The following BACH2 variants were observed in gnomAD, a reference collection of about 807,000 sequenced individuals.
BACH2 encodes the protein transcription regulator protein BACH2.
Under a neutral mutation model 61.8 loss-of-function variants are expected in BACH2, and 5 were observed. The ratio of observed to expected loss-of-function variants is 0.08; its 90% CI spans 0.04 to 0.17. The LOEUF (loss-of-function observed/expected upper bound fraction) is 0.17, where lower values mean the gene tolerates loss of function less well. Among genes scored for constraint, BACH2 ranks in the 10% least tolerant of loss-of-function variants. The probability of loss-of-function intolerance (pLI) is 1.00; values close to 1 mark genes in which losing one functional copy is unlikely to be tolerated. For missense variants in BACH2, 824 were observed against 1,091.1 expected, an observed-to-expected ratio of 0.76 and a Z score of 3.45; for synonymous variants, 446 against 440.1, an observed-to-expected ratio of 1.01 and a Z score of -0.17.
intron 1 of BACH2, among the ~76,000 whole-genome samples, chr6:90,281,971 G>A (rs1771870456): frequency 6.6e-6 from 1 of 151,976 alleles, no homozygotes; most frequent in African/African-American, 2.4e-5. Flanking sequence ...TGACCACCAA[G>A]AAATGCTGCC....
chr6:89,959,028 T>C (rs530791963), intron 6 of BACH2, among the ~76,000 whole-genome samples: 4 of 152,080 alleles, frequency 2.6e-5, no homozygotes, highest in South Asian at 4.2e-4. Flanking sequence ...CATGGGGCCC[T>C]GTGCAATTAG....
chr6:89,936,597 C>A (rs965823697), intron 8 of BACH2, among the ~76,000 whole-genome samples: 1 of 152,158 alleles, frequency 6.6e-6, no homozygotes, highest in Non-Finnish European at 1.5e-5. Context: ...TAGCTACAGA[C>A]TGGAACACAA....
At position 89,926,929 on chromosome 6, in the gene BACH2, A is replaced by C. The variant is rs973414751; in HGVS notation, c.*5479T>G. 5 of 152,814 alleles carry C rather than the reference A, an allele frequency of 3.3e-5. No homozygotes were observed. The highest frequency in any genetic ancestry group is 1.2e-4 in the African/African-American group (5 of 41,472). 9.5% of individuals were successfully genotyped at this position (152,814 alleles called of 1,614,324 possible). The stretch of plus-strand genomic sequence containing the variant: ...AACCTGTTACAGTCGTTGACCAGTT[A>C]TGAGAGGTACAGAGGGTTATACAGG... On this transcript the variant is annotated 3_prime_UTR_variant, in exon 9 of 9. Coordinates refer to ENST00000257749, the MANE Select transcript of BACH2 (RefSeq NM_021813.4).
At chr6:89,960,415 A>G (rs1324979646) in intron 6 of BACH2, among the ~76,000 whole-genome samples, 1 of 152,242 alleles carries the variant, frequency 6.6e-6, no homozygotes, top group Admixed American at 6.5e-5. Context: ...GTTTCTCTGA[A>G]GTGAACTAGG....
chr6:90,199,441 T>C (rs565278451), intron 4 of BACH2, among the ~76,000 whole-genome samples: 1 of 152,336 alleles, frequency 6.6e-6, no homozygotes, highest in South Asian at 2.1e-4. Context: ...CATGCACGCA[T>C]TTTAAAGACA....
chr6:90,123,853 C>T (rs933027174), intron 4 of BACH2, among the ~76,000 whole-genome samples: 3 of 146,712 alleles, frequency 2.0e-5, no homozygotes, highest in African/African-American at 7.7e-5. Flanking sequence ...TATGTGAGAA[C>T]ACCAAAATCG....
chr6:90,110,330 T>C (rs143502684), intron 4 of BACH2, among the ~76,000 whole-genome samples: 1 of 152,354 alleles, frequency 6.6e-6, no homozygotes, highest in East Asian at 1.9e-4. Context: ...TTTTTTTACT[T>C]TGTTAATATT....
intron 6 of BACH2, among the ~76,000 whole-genome samples, chr6:89,974,714 G>C (rs968343084): frequency 2.0e-5 from 3 of 152,154 alleles, no homozygotes; most frequent in African/African-American, 7.2e-5. Context: ...TATCTTTTTC[G>C]TGGGACAAGG....
intron 5 of BACH2, among the ~76,000 whole-genome samples, chr6:90,044,409 G>A (rs1779685466): frequency 6.6e-6 from 1 of 152,226 alleles, no homozygotes; most frequent in Non-Finnish European, 1.5e-5. Flanking sequence ...GTGCATGGAG[G>A]ATAGTGGCCA....
chr6:90,202,832 G>A (rs1373479906), intron 4 of BACH2, among the ~76,000 whole-genome samples: 2 of 152,158 alleles, frequency 1.3e-5, no homozygotes, highest in Non-Finnish European at 2.9e-5. Context: ...TTTCTTGCTA[G>A]TGTGTTTTCT....
chr6:90,050,588 T>C (rs1182392227), intron 5 of BACH2, among the ~76,000 whole-genome samples: 4 of 152,166 alleles, frequency 2.6e-5, no homozygotes, highest in African/African-American at 9.7e-5. Flanking sequence ...AATGCAATTC[T>C]TTTCACTTTT....
At chr6:89,972,077 G>C (rs944354779) in intron 6 of BACH2, among the ~76,000 whole-genome samples, 16 of 152,206 alleles carry the variant, frequency 1.1e-4, no homozygotes, top group Non-Finnish European at 2.9e-5. Flanking sequence ...AGACCTAAGA[G>C]AGAACATAGC....
intron 4 of BACH2, among the ~76,000 whole-genome samples, chr6:90,102,670 A>G (rs1234137016): frequency 6.6e-6 from 1 of 151,802 alleles, no homozygotes; most frequent in Non-Finnish European, 1.5e-5. Flanking sequence ...GGTGCCTGTA[A>G]TCCCAGCTAC....
At position 90,265,702 on chromosome 6, in the gene BACH2, C is replaced by A. The variant is rs552846509; in HGVS notation, c.-353+6147G>T. Among the ~76,000 whole-genome samples, 20 of 152,308 alleles carry A rather than the reference C, an allele frequency of 1.3e-4. 1 individual carries two copies. The South Asian group carries it at 3.5e-3, about 27-fold the overall frequency. On this transcript the variant is annotated intron_variant, in intron 2 of 8. Transcript: ENST00000257749. ...CCTAACTGCAAGGTAAGGTACCTTT[C>A]TATCTATAGTGAGTGTTGACTTACG... is the stretch of plus-strand genomic sequence containing the variant.
intron 5 of BACH2, among the ~76,000 whole-genome samples, chr6:90,025,352 T>C (rs1435685798): frequency 1.3e-5 from 2 of 152,248 alleles, no homozygotes; most frequent in Admixed American, 1.3e-4. Flanking sequence ...CCATCTATTC[T>C]TCTGGGATAG....
chr6:90,051,405 A>G (rs1241612548), intron 5 of BACH2, among the ~76,000 whole-genome samples: 1 of 152,224 alleles, frequency 6.6e-6, no homozygotes, highest in Admixed American at 6.5e-5. Flanking sequence ...GATACAGTCT[A>G]CCATGTTTTT....
intron 6 of BACH2, among the ~76,000 whole-genome samples, chr6:89,987,238 T>C (rs1299770660): frequency 1.3e-5 from 2 of 152,196 alleles, no homozygotes; most frequent in Non-Finnish European, 2.9e-5. Context: ...GGGAGAGTCC[T>C]GGCTTAAGGA....
intron 4 of BACH2, among the ~76,000 whole-genome samples, chr6:90,098,901 C>T (rs1033495616): frequency 1.2e-4 from 19 of 152,134 alleles, no homozygotes; most frequent in African/African-American, 4.6e-4. Context: ...ACTCTGGGAA[C>T]GTTCATTTCT....
chr6:90,268,067 G>C (rs551871584), intron 2 of BACH2, among the ~76,000 whole-genome samples: 1 of 147,166 alleles, frequency 6.8e-6, no homozygotes, highest in South Asian at 2.2e-4. Context: ...AGAGTGCAGT[G>C]CCATGATCTT....
Sources: gnomAD v4.1 joint callset for allele counts (sites outside exome capture counted in the v4.1 genomes callset) on GRCh38, gnomAD v4.1.1 for gene constraint, MANE v1.5 for transcripts, NCBI Gene and HGNC (gene_info 2026-07-23, HGNC 2026-07-21) for gene names.